Variants in SPEF2 observed in about 807,000 individuals in gnomAD.
The protein encoded by SPEF2 is sperm flagellar and cilia associated 2, also known as sperm flagella and cilia-associated protein 2.
A neutral mutation model predicts 224.6 loss-of-function variants in SPEF2; 187 were observed. The observed-to-expected ratio is 0.83, with a 90% confidence interval of 0.74 to 0.94. The LOEUF (loss-of-function observed/expected upper bound fraction) is 0.94. SPEF2 is among the 40% of genes least tolerant of loss of function. The pLI, the probability that SPEF2 is intolerant of heterozygous loss-of-function variation, is 0.00. For missense variants in SPEF2, 2,170 were observed against 2,135.6 expected (o/e 1.02, Z -0.32); for synonymous variants, 715 against 707.3 (o/e 1.01, Z -0.17).
chr5:35,788,755 T>C (rs1454395875), intron 30 of SPEF2: 1 of 703,028 alleles, frequency 1.4e-6, no homozygotes, highest in Admixed American at 2.0e-5. Context: ...GTGTACAAAC[T>C]GTATATTGCT....
In SPEF2 at chr5:35,769,426, CA is replaced by C. The variant is rs199619311; in HGVS notation, c.3802-2175del. 1.5e-3 allele frequency among the ~76,000 whole-genome samples: 228 copies of C among 151,178 alleles called. 2 individuals carry two copies. The highest frequency in any genetic ancestry group is 5.4e-3 in the African/African-American group (221 of 41,272). Reference sequence around the variant, plus strand: ...GCAAAGGGAGAAAGAAAGAAAAAGACAAAAAAAACCACAAAGAAATCTGCTT... The same window carrying C: ...GCAAAGGGAGAAAGAAAGAAAAAGACAAAAAAACCACAAAGAAATCTGCTT... On this transcript the variant is annotated intron_variant, in intron 26 of 36. Coordinates refer to ENST00000356031, the MANE Select transcript of SPEF2 (RefSeq NM_024867.4).
chr5:35,685,571 G>A (rs550511242), intron 10 of SPEF2, among the ~76,000 whole-genome samples: 1 of 152,072 alleles, frequency 6.6e-6, no homozygotes, highest in East Asian at 1.9e-4. Context: ...TCCACTTGTA[G>A]ACTTAATCTG....
At chr5:35,802,562 G>T (rs947709221) in intron 34 of SPEF2, among the ~76,000 whole-genome samples, 2 of 152,150 alleles carry the variant, frequency 1.3e-5, no homozygotes, top group Non-Finnish European at 2.9e-5. Context: ...ACAGGCATTG[G>T]AAGAGGGGTT....
intron 18 of SPEF2, among the ~76,000 whole-genome samples, chr5:35,706,695 C>T (rs1739843050): frequency 6.6e-6 from 1 of 152,022 alleles, no homozygotes; most frequent in African/African-American, 2.4e-5. Context: ...CATAATGTAA[C>T]AGTTAACTAA....
intron 30 of SPEF2, among the ~76,000 whole-genome samples, chr5:35,780,310 A>T (rs1754151693): frequency 6.6e-6 from 1 of 152,188 alleles, no homozygotes; most frequent in Non-Finnish European, 1.5e-5. Context: ...CATTAGTAAA[A>T]AGAGCATTAC....
intron 21 of SPEF2, among the ~76,000 whole-genome samples, chr5:35,736,070 A>G (rs901735390): frequency 3.9e-5 from 6 of 152,232 alleles, no homozygotes; most frequent in African/African-American, 1.4e-4. Flanking sequence ...AAATTAAAAA[A>G]TAAGCCTTAT....
intron 2 of SPEF2, among the ~76,000 whole-genome samples, chr5:35,639,816 A>G (rs780890924): frequency 1.2e-4 from 19 of 152,100 alleles, no homozygotes; most frequent in Non-Finnish European, 2.6e-4. Context: ...GAGGTCCCTC[A>G]GAGGTCATCA....
At chr5:35,740,581 A>C (rs1458650691) in intron 23 of SPEF2, among the ~76,000 whole-genome samples, 2 of 152,154 alleles carry the variant, frequency 1.3e-5, no homozygotes, top group Admixed American at 1.3e-4. Flanking sequence ...GCCTGATGTT[A>C]ATCACATTCC....
At position 35,709,050 on chromosome 5, in the gene SPEF2, A is replaced by G. The variant is rs567428050; in HGVS notation, c.2768A>G (p.Glu923Gly). The G allele has an allele frequency of 1.9e-6, 3 of 1,613,958 alleles. No individual in the cohort carries two copies. The highest frequency in any genetic ancestry group is 2.2e-5 in the East Asian group (1 of 44,870). Reference protein sequence around the residue: ...TPPPAPPPEPEKEKEIHQSHV... With the variant: ...TPPPAPPPEPGKEKEIHQSHV... ...CCTCCTGCTCCTCCTCCTGAACCAGAAAAAGAGAAGGAAATTCATCAAAGC... is the reference window on the plus strand; with the variant it reads ...CCTCCTGCTCCTCCTCCTGAACCAGGAAAAGAGAAGGAAATTCATCAAAGC... The change falls in exon 19 of 37, where the codon GAA (glutamate) becomes GGA (glycine). Residue 923 changes from glutamate to glycine, a missense_variant. Physicochemically the swap from Glu to Gly is moderately conservative, Grantham distance 98 (BLOSUM62 -2). Coordinates refer to ENST00000356031, the MANE Select transcript of SPEF2 (RefSeq NM_024867.4).
chr5:35,640,179 G>A (rs1486006941), intron 2 of SPEF2, among the ~76,000 whole-genome samples: 3 of 152,144 alleles, frequency 2.0e-5, no homozygotes, highest in Non-Finnish European at 4.4e-5. Context: ...GCAGGGCTAA[G>A]CTTTGACAAA....
Position 35,806,687 on chromosome 5 carries a change from CT to C in SPEF2, c.5011-19del, listed in dbSNP as rs753935615. 6 of 1,595,250 alleles carry C rather than the reference CT, an allele frequency of 3.8e-6. No homozygotes were observed. In the African/African-American group the frequency reaches 8.2e-5, roughly 22 times the overall value. On this transcript the variant is annotated intron_variant, in intron 34 of 36. Transcript: ENST00000356031. Reference sequence around the variant, plus strand: ...AAAAACTTCAGTTTAACTTCATGTTCTCTTCATTTAACTTTGCAGACCTCCT... The same window carrying C: ...AAAAACTTCAGTTTAACTTCATGTTCCTTCATTTAACTTTGCAGACCTCCT...
intron 9 of SPEF2, among the ~76,000 whole-genome samples, chr5:35,667,865 A>G (rs1193661274): frequency 6.6e-6 from 1 of 152,170 alleles, no homozygotes; most frequent in Non-Finnish European, 1.5e-5. Context: ...ATGAAAAGAC[A>G]TTTCACTGAA....
intron 20 of SPEF2, among the ~76,000 whole-genome samples, chr5:35,724,750 T>C (rs74479214): frequency 0.014 from 2,099 of 152,192 alleles, 45 homozygotes; most frequent in African/African-American, 0.049. Flanking sequence ...AATAAGTACA[T>C]GTGCAAAAAA....
intron 21 of SPEF2, among the ~76,000 whole-genome samples, chr5:35,737,245 G>C (rs964943222): frequency 7.9e-5 from 12 of 151,820 alleles, no homozygotes; most frequent in African/African-American, 2.9e-4. Context: ...TTAAGTTTTA[G>C]GGTACATATG....
intron 10 of SPEF2, chr5:35,670,537 T>C (rs1485980100): frequency 9.8e-7 from 1 of 1,019,466 alleles, no homozygotes; most frequent in South Asian, 4.4e-5. Context: ...TTTCTTTGTA[T>C]GGGCTGTGTA....
chr5:35,676,957 G>A (rs1752108341), intron 10 of SPEF2, among the ~76,000 whole-genome samples: 1 of 152,076 alleles, frequency 6.6e-6, no homozygotes, highest in Non-Finnish European at 1.5e-5. Flanking sequence ...GGTACAGTGG[G>A]CCTATAGTAG....
At chr5:35,810,815 A>G (rs929526280) in intron 36 of SPEF2, among the ~76,000 whole-genome samples, 4 of 152,302 alleles carry the variant, frequency 2.6e-5, no homozygotes, top group African/African-American at 9.6e-5. Context: ...TTCTCATAGC[A>G]GAGAGTTAGT....
intron 2 of SPEF2, among the ~76,000 whole-genome samples, chr5:35,629,630 C>T (rs185291279): frequency 2.1e-4 from 32 of 152,256 alleles, no homozygotes; most frequent in African/African-American, 7.7e-4. Flanking sequence ...CCACAATTCA[C>T]CATTTTAAAG....
rs1047146321 is a variant in SPEF2 at position 35,763,571 on chromosome 5, A to G, written c.3670A>G (p.Lys1224Glu). The G allele has an allele frequency of 1.2e-6, 2 of 1,613,104 alleles. No homozygotes were observed. The highest frequency in any genetic ancestry group is 1.7e-6 in the Non-Finnish European group (2 of 1,179,674). Residue 1224 changes from lysine (K) to glutamate (E), a missense_variant, in exon 26 of 37, where the codon AAA (lysine) becomes GAA (glutamate). Lys to Glu is a moderately conservative substitution (Grantham distance 56). Transcript: ENST00000356031. ...ISISLETVTP[K>E]PKTKSVLKGK... ...CATTTCTCTGGAAACAGTTACACCC[A>G]AACCAAAAACAAAATCAGTACTGAA...
Sources: gnomAD v4.1 joint callset for allele counts (sites outside exome capture counted in the v4.1 genomes callset) on GRCh38, gnomAD v4.1.1 for gene constraint, MANE v1.5 for transcripts, NCBI Gene and HGNC (gene_info 2026-07-23, HGNC 2026-07-21) for gene names.